The following PHACTR3 variants were observed in gnomAD, a reference collection of about 807,000 sequenced individuals.
The protein encoded by PHACTR3 is protein phosphatase 1, regulatory subunit 123.
PHACTR3 carries 16 observed loss-of-function variants against 66.8 expected under a neutral mutation model. The ratio of observed to expected loss-of-function variants is 0.24; its 90% CI spans 0.16 to 0.36. PHACTR3 has a LOEUF of 0.36. Among genes scored for constraint, PHACTR3 ranks in the 10% least tolerant of loss-of-function variants. The pLI is 1.00. For synonymous variants in PHACTR3, 323 were observed against 292.1 expected (o/e 1.11, Z -1.08); for missense variants, 647 against 719.9 (o/e 0.90, Z 1.16).
At chr20:59,752,658 C>A (rs1044118042) in intron 3 of PHACTR3, among the ~76,000 whole-genome samples, 19 of 142,158 alleles carry the variant, frequency 1.3e-4, no homozygotes, top group Non-Finnish European at 1.3e-4. Context: ...GACCTCTGGG[C>A]CTTCCAGGTT....
rs139612681 is a variant in PHACTR3 at position 59,840,419 on chromosome 20, T to C, written c.1435T>C (p.Leu479=). ...AGAAAGAAGAGAAATCAAGCAAAGATTGACAAGAAAGGTAGTATAAGCATT... is the reference window on the plus strand; with the variant it reads ...AGAAAGAAGAGAAATCAAGCAAAGACTGACAAGAAAGGTAGTATAAGCATT... ...QEERREIKQR[L]TRKLNQRPTV... Residue 479 remains leucine (L), a synonymous_variant, in exon 10 of 13, where the codon TTG becomes CTG. Coordinates refer to ENST00000371015, the MANE Select transcript of PHACTR3 (RefSeq NM_080672.5). The C allele has an allele frequency of 1.9e-4, 303 of 1,613,090 alleles. No homozygotes were observed. The highest frequency in any genetic ancestry group is 2.5e-4 in the Non-Finnish European group (297 of 1,179,420).
intron 1 of PHACTR3, chr20:59,628,462 C>T (rs1002788838): frequency 2.6e-5 from 5 of 192,906 alleles, no homozygotes; most frequent in Non-Finnish European, 4.7e-5. Flanking sequence ...AAGCACTGCA[C>T]TGTCCCCGCA....
At chr20:59,588,480 A>G (rs1468900437) in intron 1 of PHACTR3, among the ~76,000 whole-genome samples, 1 of 152,130 alleles carries the variant, frequency 6.6e-6, no homozygotes, top group Non-Finnish European at 1.5e-5. Flanking sequence ...CCCTTCCAGG[A>G]GAGGTCAATC....
chr20:59,663,452 C>A (rs2035884265), intron 1 of PHACTR3, among the ~76,000 whole-genome samples: 1 of 152,170 alleles, frequency 6.6e-6, no homozygotes, highest in African/African-American at 2.4e-5. Flanking sequence ...GTGAGGTGAC[C>A]AGACCTAGTG....
intron 7 of PHACTR3, among the ~76,000 whole-genome samples, chr20:59,782,314 C>T (rs61539927): frequency 0.071 from 10,839 of 152,152 alleles, 869 homozygotes; most frequent in East Asian, 0.4. Flanking sequence ...TATCGTGGCA[C>T]GATCTTGGCT....
intron 1 of PHACTR3, among the ~76,000 whole-genome samples, chr20:59,621,090 C>T (rs1174417592): frequency 1.3e-5 from 2 of 152,212 alleles, no homozygotes; most frequent in African/African-American, 4.8e-5. Flanking sequence ...ATTGTCTGAG[C>T]TCTTTCTTGC....
intron 7 of PHACTR3, among the ~76,000 whole-genome samples, chr20:59,796,540 T>TC (rs1169445406): frequency 6.6e-6 from 1 of 152,180 alleles, no homozygotes; most frequent in Non-Finnish European, 1.5e-5. Flanking sequence ...GTAAAGGCAA[T>TC]CTAGTGGTAA....
chr20:59,718,877 C>T (rs192963176), intron 1 of PHACTR3, among the ~76,000 whole-genome samples: 1 of 152,314 alleles, frequency 6.6e-6, no homozygotes, highest in African/African-American at 2.4e-5. Flanking sequence ...ATGGTTGCGT[C>T]GTTTTGCTTG....
chr20:59,682,310 A>G (rs536448840), intron 1 of PHACTR3, among the ~76,000 whole-genome samples: 2 of 152,342 alleles, frequency 1.3e-5, no homozygotes, highest in South Asian at 4.1e-4. Flanking sequence ...GCTGCACTCC[A>G]GCCTGGGCAA....
intron 8 of PHACTR3, among the ~76,000 whole-genome samples, chr20:59,831,273 G>A (rs1037291412): frequency 1.3e-5 from 2 of 152,154 alleles, no homozygotes; most frequent in African/African-American, 2.4e-5. Context: ...GCATTCCAGG[G>A]CCTGCCCAGC....
chr20:59,824,589 G>C (rs6100610), intron 8 of PHACTR3, among the ~76,000 whole-genome samples: 2 of 152,226 alleles, frequency 1.3e-5, no homozygotes, highest in Admixed American at 6.5e-5. Flanking sequence ...TGGGCATTAA[G>C]GCTCTGCCCT....
chr20:59,606,979 G>T (rs984430981), intron 1 of PHACTR3, among the ~76,000 whole-genome samples: 14 of 152,214 alleles, frequency 9.2e-5, no homozygotes, highest in African/African-American at 3.4e-4. Context: ...TGGATTGTGT[G>T]AAGCAGATTG....
chr20:59,618,811 C>G (rs2034127118), intron 1 of PHACTR3, among the ~76,000 whole-genome samples: 1 of 152,074 alleles, frequency 6.6e-6, no homozygotes, highest in South Asian at 2.1e-4. Context: ...TCACCCTGAG[C>G]AGGGCCGAGA....
At chr20:59,828,091 T>A (rs1187945890) in intron 8 of PHACTR3, among the ~76,000 whole-genome samples, 1 of 152,180 alleles carries the variant, frequency 6.6e-6, no homozygotes, top group African/African-American at 2.4e-5. Flanking sequence ...GGGACACTCA[T>A]GAGAGTCCGA....
rs1333117714 is a variant in PHACTR3, at chr20:59,755,354, G to A, written c.531G>A (p.Leu177=). The change falls in exon 4 of 13, where the codon TTG becomes TTA. Residue 177 remains leucine (L), a synonymous_variant. Transcript: ENST00000371015. Reference sequence around the variant, plus strand: ...AGCCACTGTCCTCAGCTGCCCACTTGGACGATGCAGGTACTGGCTGGAGAC... The same window carrying A: ...AGCCACTGTCCTCAGCTGCCCACTTAGACGATGCAGGTACTGGCTGGAGAC... ...LDKPLSSAAH[L]DDAAKMPSAS... 6.2e-7 allele frequency: 1 copy of A among 1,613,328 alleles called. No homozygotes were observed. Among genetic ancestry groups the A allele is most frequent in the Admixed American group, 1.7e-5 (1 of 59,996 alleles).
chr20:59,680,164 G>T (rs1052250223), intron 1 of PHACTR3, among the ~76,000 whole-genome samples: 1 of 152,118 alleles, frequency 6.6e-6, no homozygotes, highest in African/African-American at 2.4e-5. Flanking sequence ...AGGGTTCCGT[G>T]TGGGGATGTG....
At chr20:59,713,796 C>CAT (rs2037991275) in intron 1 of PHACTR3, among the ~76,000 whole-genome samples, 1 of 150,778 alleles carries the variant, frequency 6.6e-6, no homozygotes, top group Non-Finnish European at 1.5e-5. Context: ...ATATGGCTTG[C>CAT]ATATGTTTGG....
intron 1 of PHACTR3, among the ~76,000 whole-genome samples, chr20:59,718,781 C>T (rs903850906): frequency 7.9e-5 from 12 of 152,340 alleles, no homozygotes; most frequent in Middle Eastern, 3.4e-3. Context: ...TCACTTTACA[C>T]GGCTCTGTTT....
chr20:59,758,557 G>C (rs2039889080), intron 4 of PHACTR3, among the ~76,000 whole-genome samples: 1 of 152,174 alleles, frequency 6.6e-6, no homozygotes, highest in Non-Finnish European at 1.5e-5. Flanking sequence ...ATCATGCTGG[G>C]GATAACAAGA....
Sources: allele counts gnomAD v4.1 joint callset (sites outside exome capture counted in the v4.1 genomes callset), GRCh38; gene constraint gnomAD v4.1.1; transcripts MANE v1.5; gene names NCBI Gene and HGNC (gene_info 2026-07-23, HGNC 2026-07-21).